ACER3: variants seen among roughly 807,000 people sequenced by gnomAD.
ACER3 encodes alkaline ceramidase 3, also known as alkCDase 3.
A neutral mutation model predicts 48.9 loss-of-function variants in ACER3; 16 were observed. That is an observed-to-expected ratio of 0.33 (90% confidence interval 0.22 to 0.50). The LOEUF is 0.50. Ranked by LOEUF, ACER3 falls within the 20% of genes least tolerant of loss-of-function variation. ACER3 has a pLI of 0.98. For synonymous variants in ACER3, 109 were observed against 107.8 expected (o/e 1.01, Z -0.07); for missense variants, 227 against 326.0 (o/e 0.70, Z 2.34).
chr11:76,924,778 T>C (rs1946775099), intron 1 of ACER3, among the ~76,000 whole-genome samples: 1 of 152,052 alleles, frequency 6.6e-6, no homozygotes, highest in Non-Finnish European at 1.5e-5. Context: ...CCAGATAGTG[T>C]ACTCTATGGT....
chr11:76,869,790 G>A (rs532052836), intron 1 of ACER3, among the ~76,000 whole-genome samples: 2 of 152,122 alleles, frequency 1.3e-5, no homozygotes, highest in Non-Finnish European at 2.9e-5. Context: ...TGTCCTCAAG[G>A]TTCATCCATG....
At chr11:76,960,421 A>C (rs1323363800) in intron 3 of ACER3, among the ~76,000 whole-genome samples, 2 of 151,792 alleles carry the variant, frequency 1.3e-5, no homozygotes, top group African/African-American at 4.8e-5. Flanking sequence ...TAATAATAAT[A>C]ATCATAATAA....
At chr11:76,875,849 C>T (rs1945367468) in intron 1 of ACER3, among the ~76,000 whole-genome samples, 1 of 149,620 alleles carries the variant, frequency 6.7e-6, no homozygotes, top group African/African-American at 2.5e-5. Context: ...GATTCTCCTG[C>T]CTCAGCTTCC....
intron 1 of ACER3, among the ~76,000 whole-genome samples, chr11:76,864,354 A>G (rs1052813292): frequency 6.6e-6 from 1 of 152,258 alleles, no homozygotes; most frequent in East Asian, 1.9e-4. Flanking sequence ...CTATGTTAAT[A>G]ATCAATGGGA....
intron 1 of ACER3, among the ~76,000 whole-genome samples, chr11:76,862,539 A>T (rs1205781642): frequency 6.6e-6 from 1 of 152,186 alleles, no homozygotes; most frequent in Non-Finnish European, 1.5e-5. Context: ...GAGAACCATG[A>T]CCACGAGGAA....
intron 2 of ACER3, among the ~76,000 whole-genome samples, chr11:76,932,552 T>G (rs1170410471): frequency 6.6e-6 from 1 of 152,206 alleles, no homozygotes; most frequent in Non-Finnish European, 1.5e-5. Flanking sequence ...CAGATCACAA[T>G]CTGTAACAAC....
chr11:76,920,642 T>G (rs1414540184), intron 1 of ACER3, among the ~76,000 whole-genome samples: 1 of 124,158 alleles, frequency 8.1e-6, no homozygotes, highest in Admixed American at 7.7e-5. Flanking sequence ...GACTTTTTTT[T>G]TTTTTTTTTT....
At chr11:76,974,487 AAG>A (rs1000381402) in intron 3 of ACER3, among the ~76,000 whole-genome samples, 6 of 152,194 alleles carry the variant, frequency 3.9e-5, no homozygotes, top group Non-Finnish European at 8.8e-5. Flanking sequence ...CATTAACTTC[AAG>A]AGAGGTATCA....
intron 7 of ACER3, among the ~76,000 whole-genome samples, chr11:77,008,848 G>C (rs1053950327): frequency 6.6e-6 from 1 of 152,214 alleles, no homozygotes; most frequent in Admixed American, 6.5e-5. Context: ...TTGAGCCCAG[G>C]AGTTTGAGAC....
At chr11:77,019,391 G>A (rs976298778) in intron 9 of ACER3, 5 of 179,848 alleles carry the variant, frequency 2.8e-5, no homozygotes, top group Non-Finnish European at 5.8e-5. Flanking sequence ...CCTGGGAGGC[G>A]GAGGTTGCAG....
intron 3 of ACER3, among the ~76,000 whole-genome samples, chr11:76,969,272 G>A (rs1948226902): frequency 6.6e-6 from 1 of 152,110 alleles, no homozygotes; most frequent in Non-Finnish European, 1.5e-5. Context: ...TTAGAATGGT[G>A]ATCATTAAAA....
At chr11:76,941,012 AACACAC>A (rs370121849) in intron 2 of ACER3, among the ~76,000 whole-genome samples, 3,142 of 146,282 alleles carry the variant, frequency 0.021, 115 homozygotes, top group African/African-American at 0.076. Flanking sequence ...TGTGTGTATA[AACACAC>A]ACACACACAC....
intron 2 of ACER3, among the ~76,000 whole-genome samples, chr11:76,951,061 A>T (rs941424372): frequency 2.6e-5 from 4 of 152,204 alleles, no homozygotes; most frequent in African/African-American, 7.2e-5. Context: ...CCATGAAATG[A>T]TCCTCTCCTA....
At chr11:76,915,240 A>T (rs1946494678) in intron 1 of ACER3, among the ~76,000 whole-genome samples, 1 of 151,886 alleles carries the variant, frequency 6.6e-6, no homozygotes, top group African/African-American at 2.4e-5. Flanking sequence ...CAGCAAAAGA[A>T]GACAGAAAAA....
chr11:76,965,201 A>G (rs1948106062), intron 3 of ACER3, among the ~76,000 whole-genome samples: 1 of 151,420 alleles, frequency 6.6e-6, no homozygotes, highest in South Asian at 2.1e-4. Context: ...ACTGGAAGAA[A>G]GGCTATCAGT....
At chr11:76,914,015 G>T (rs765097653) in intron 1 of ACER3, among the ~76,000 whole-genome samples, 29 of 152,258 alleles carry the variant, frequency 1.9e-4, no homozygotes, top group African/African-American at 7.0e-4. Context: ...GCTGAAACTG[G>T]ATCCCTTCCT....
chr11:76,938,344 G>A (rs1011426657), intron 2 of ACER3, among the ~76,000 whole-genome samples: 5 of 151,968 alleles, frequency 3.3e-5, no homozygotes, highest in African/African-American at 1.2e-4. Flanking sequence ...TTTGAGACAG[G>A]GTCTTGCTCT....
chr11:76,907,736 T>G (rs578206598), intron 1 of ACER3, among the ~76,000 whole-genome samples: 1 of 152,048 alleles, frequency 6.6e-6, no homozygotes, highest in South Asian at 2.1e-4. Context: ...CCGGGCATGG[T>G]GATGCATGCC....
Position 77,023,330 on chromosome 11 carries a change from G to C in ACER3, c.*3003G>C, listed in dbSNP as rs1949500049. On this transcript the variant is annotated 3_prime_UTR_variant, in exon 11 of 11. Coordinates refer to ENST00000532485, the MANE Select transcript of ACER3 (RefSeq NM_018367.7). ...GTTTTTCTTATAATAAGGAGAAGAG[G>C]TGTGGTTCAAAGAAAATTAAGAGAC... 2.5e-6 allele frequency: 1 copy of C among 392,954 alleles called. No individual in the cohort carries two copies. Among genetic ancestry groups the C allele is most frequent in the Non-Finnish European group, 4.5e-6 (1 of 222,488 alleles). The allele number at this position is 392,954 out of a possible 1,614,324, so 24.3% of individuals were successfully genotyped here.
Sources: gnomAD v4.1 joint callset for allele counts (sites outside exome capture counted in the v4.1 genomes callset) on GRCh38, gnomAD v4.1.1 for gene constraint, MANE v1.5 for transcripts, NCBI Gene and HGNC (gene_info 2026-07-23, HGNC 2026-07-21) for gene names.